Variants in PAPPA2 observed in about 807,000 individuals in gnomAD.
PAPPA2 encodes the protein pappalysin 2.
Under a neutral mutation model 176.4 loss-of-function variants are expected in PAPPA2, and 86 were observed. The ratio of observed to expected loss-of-function variants is 0.49; its 90% CI spans 0.41 to 0.58. PAPPA2 has a LOEUF of 0.58. Ranked by LOEUF, PAPPA2 falls within the 20% of genes least tolerant of loss-of-function variation. The pLI is 0.00. For synonymous variants in PAPPA2, 809 were observed against 852.2 expected, an observed-to-expected ratio of 0.95 and a Z score of 0.88; for missense variants, 2,073 against 2,256.9, an observed-to-expected ratio of 0.92 and a Z score of 1.65.
rs1455704140 is a variant in PAPPA2, at chr1:176,844,265, T to C, written c.*1811T>C. 3 of 152,156 alleles carry C rather than the reference T, an allele frequency of 2.0e-5. 1 individual carries two copies. Among genetic ancestry groups the C allele is most frequent in the Non-Finnish European group, 4.4e-5 (3 of 68,002 alleles). 9.4% of individuals were successfully genotyped at this position (152,156 alleles called of 1,614,324 possible). A position where few individuals can be genotyped will look rare whatever the true frequency, so the allele number is the denominator to read the frequency against. ...TGGTCTCTTCTCATCTTCTGCTCTT[T>C]TGCTTTGACCACAGTTTTTCTACTC... On this transcript the variant is annotated 3_prime_UTR_variant, in exon 23 of 23. Transcript: ENST00000367662.
chr1:176,495,900 T>A (rs1647586332), intron 1 of PAPPA2, among the ~76,000 whole-genome samples: 1 of 152,100 alleles, frequency 6.6e-6, no homozygotes, highest in Non-Finnish European at 1.5e-5. Context: ...CCTGAGTAGA[T>A]GGAAGTATAG....
At chr1:176,507,576 A>T (rs182998454) in intron 1 of PAPPA2, among the ~76,000 whole-genome samples, 1 of 152,346 alleles carries the variant, frequency 6.6e-6, no homozygotes, top group Non-Finnish European at 1.5e-5. Context: ...AATCTAGTAC[A>T]TATACATCAT....
At chr1:176,767,400 C>A (rs1478929762) in intron 15 of PAPPA2, among the ~76,000 whole-genome samples, 1 of 152,112 alleles carries the variant, frequency 6.6e-6, no homozygotes, top group Non-Finnish European at 1.5e-5. Context: ...AGTGCAATGG[C>A]ACGATCTCAG....
In PAPPA2 at chr1:176,799,850, A is replaced by G. The variant is rs138456034; in HGVS notation, c.5131-211A>G. ...TGAAAAGTTTCGAGAAATCTCCTCCACTGAGACTTCCTGCCTGAACCACAT... is the reference window on the plus strand; with the variant it reads ...TGAAAAGTTTCGAGAAATCTCCTCCGCTGAGACTTCCTGCCTGAACCACAT... On this transcript the variant is annotated intron_variant, in intron 20 of 22. Coordinates refer to ENST00000367662, the MANE Select transcript of PAPPA2 (RefSeq NM_020318.3). Among the ~76,000 whole-genome samples the G allele has an allele frequency of 1.9e-3, 295 of 152,136 alleles. 1 individual carries two copies. The highest frequency in any genetic ancestry group is 6.1e-3 in the African/African-American group (255 of 41,522).
At chr1:176,661,849 T>C (rs1658377297) in intron 3 of PAPPA2, among the ~76,000 whole-genome samples, 1 of 152,128 alleles carries the variant, frequency 6.6e-6, no homozygotes, top group Admixed American at 6.6e-5. Flanking sequence ...TGCAGACTAA[T>C]GCACAACATC....
intron 21 of PAPPA2, among the ~76,000 whole-genome samples, chr1:176,801,817 T>G (rs1571348068): frequency 6.6e-6 from 1 of 151,848 alleles, no homozygotes; most frequent in Admixed American, 6.6e-5. Context: ...TCCCAGAGGG[T>G]TATAATACAG....
At chr1:176,546,781 G>T (rs143019808) in intron 1 of PAPPA2, among the ~76,000 whole-genome samples, 64 of 152,280 alleles carry the variant, frequency 4.2e-4, no homozygotes, top group African/African-American at 1.5e-3. Context: ...ATTGATCAAA[G>T]AAGTAACATG....
rs927708356 is a variant in PAPPA2, at chr1:176,746,313, C to G, written c.4151+6117C>G. On this transcript the variant is annotated intron_variant, in intron 14 of 22. Transcript: ENST00000367662. ...TAAGTTGATAACCAGCAGAGAAAGT[C>G]TTGTCAAATAACCAAGAGGAAACCT... 1.3e-4 allele frequency among the ~76,000 whole-genome samples: 20 copies of G among 152,336 alleles called. 1 individual carries two copies. The highest frequency in any genetic ancestry group is 1.3e-3 in the Admixed American group (20 of 15,298).
chr1:176,584,251 A>C (rs1653156723), intron 2 of PAPPA2, among the ~76,000 whole-genome samples: 2 of 152,140 alleles, frequency 1.3e-5, no homozygotes, highest in South Asian at 4.1e-4. Flanking sequence ...TCCAATACTG[A>C]GAATGGGTAT....
chr1:176,790,945 T>C (rs1464628610), intron 18 of PAPPA2, among the ~76,000 whole-genome samples: 1 of 152,148 alleles, frequency 6.6e-6, no homozygotes, highest in African/African-American at 2.4e-5. Flanking sequence ...ATGAAACTCG[T>C]CTTGAAAAAA....
At chr1:176,598,159 A>C (rs1329940103) in intron 3 of PAPPA2, among the ~76,000 whole-genome samples, 1 of 152,224 alleles carries the variant, frequency 6.6e-6, no homozygotes, top group Non-Finnish European at 1.5e-5. Flanking sequence ...ATATCAAATT[A>C]TACCAAAAGA....
chr1:176,465,638 C>CTTT (rs528430128), intron 1 of PAPPA2, among the ~76,000 whole-genome samples: 1 of 127,758 alleles, frequency 7.8e-6, no homozygotes, highest in Non-Finnish European at 1.7e-5. Context: ...CCAGGCCATT[C>CTTT]TTTTTTTTTT....
At chr1:176,564,353 A>G (rs944884379) in intron 2 of PAPPA2, among the ~76,000 whole-genome samples, 1 of 152,248 alleles carries the variant, frequency 6.6e-6, no homozygotes, top group Non-Finnish European at 1.5e-5. Context: ...TTCTTGGGCC[A>G]TGCAGTCTCT....
At chr1:176,681,589 T>C (rs368198986) in intron 4 of PAPPA2, among the ~76,000 whole-genome samples, 3 of 152,284 alleles carry the variant, frequency 2.0e-5, no homozygotes, top group African/African-American at 7.2e-5. Flanking sequence ...ATGTCCGGCA[T>C]ACAGCAAGAG....
chr1:176,747,390 A>G (rs1446733120), intron 14 of PAPPA2, among the ~76,000 whole-genome samples: 1 of 152,234 alleles, frequency 6.6e-6, no homozygotes, highest in African/African-American at 2.4e-5. Flanking sequence ...GGGAAAGTGT[A>G]GGAAATATGC....
chr1:176,775,873 C>T (rs1664437362), intron 17 of PAPPA2, among the ~76,000 whole-genome samples: 2 of 152,154 alleles, frequency 1.3e-5, no homozygotes, highest in African/African-American at 2.4e-5. Flanking sequence ...TGTAGCAACA[C>T]TTTTGCATGG....
chr1:176,495,499 C>A (rs1490947832), intron 1 of PAPPA2, among the ~76,000 whole-genome samples: 1 of 147,950 alleles, frequency 6.8e-6, no homozygotes, highest in African/African-American at 2.5e-5. Flanking sequence ...AAGATCATGC[C>A]ACTGCACTCC....
intron 1 of PAPPA2, among the ~76,000 whole-genome samples, chr1:176,542,096 C>T (rs557610543): frequency 1.3e-5 from 2 of 152,294 alleles, no homozygotes; most frequent in African/African-American, 2.4e-5. Flanking sequence ...AGTATTTACA[C>T]ATGAACATTT....
chr1:176,536,232 C>T, intron 1 of PAPPA2, among the ~76,000 whole-genome samples: 1 of 152,190 alleles, frequency 6.6e-6, no homozygotes, highest in East Asian at 1.9e-4. Context: ...GAAAGAATAA[C>T]AAGTTGTGAG....
Sources: gnomAD v4.1 joint callset for allele counts (sites outside exome capture counted in the v4.1 genomes callset) on GRCh38, gnomAD v4.1.1 for gene constraint, MANE v1.5 for transcripts, NCBI Gene and HGNC (gene_info 2026-07-23, HGNC 2026-07-21) for gene names.